Variants in ADD3 observed in about 807,000 individuals in gnomAD.
The protein encoded by ADD3 is adducin 3.
In ADD3, 25 loss-of-function variants were observed where a neutral mutation model predicts 80.2. The ratio of observed to expected loss-of-function variants is 0.31; its 90% confidence interval spans 0.23 to 0.44. ADD3 has a LOEUF of 0.44. ADD3 is among the 20% of genes least tolerant of loss of function. The pLI is 1.00. For synonymous variants in ADD3, 284 were observed against 289.6 expected, an observed-to-expected ratio of 0.98 and a Z score of 0.20; for missense variants, 829 against 847.5, an observed-to-expected ratio of 0.98 and a Z score of 0.27.
At chr10:110,007,514 T>G (rs1851741596), upstream of ADD3, among the ~76,000 whole-genome samples, 1 of 152,100 alleles carries the variant, frequency 6.6e-6, no homozygotes, top group Admixed American at 6.5e-5. Context: ...CGGGAGACAT[T>G]TCCGAGGCGC....
chr10:110,106,589 T>C, intron 2 of ADD3, among the ~76,000 whole-genome samples: 1 of 152,146 alleles, frequency 6.6e-6, no homozygotes, highest in Non-Finnish European at 1.5e-5. Flanking sequence ...GTCCATACTT[T>C]ATGAATTCAA....
At chr10:110,115,751 T>G (rs1850651599) in intron 3 of ADD3, among the ~76,000 whole-genome samples, 1 of 152,210 alleles carries the variant, frequency 6.6e-6, no homozygotes, top group South Asian at 2.1e-4. Flanking sequence ...TTGAACTTGG[T>G]AACAGCTGAA....
chr10:110,121,422 G>A (rs1851479051), intron 8 of ADD3, among the ~76,000 whole-genome samples: 1 of 152,176 alleles, frequency 6.6e-6, no homozygotes, highest in South Asian at 2.1e-4. Flanking sequence ...GGCGAAGTTT[G>A]CAGTGAGCCG....
intron 1 of ADD3, among the ~76,000 whole-genome samples, chr10:110,094,220 G>A (rs183456893): frequency 2.0e-5 from 3 of 152,044 alleles, no homozygotes; most frequent in Non-Finnish European, 2.9e-5. Context: ...GGCGTGATGG[G>A]TCTGTTTTCT....
chr10:110,102,529 C>T (rs1031588964), intron 2 of ADD3, among the ~76,000 whole-genome samples: 4 of 152,112 alleles, frequency 2.6e-5, no homozygotes, highest in African/African-American at 7.2e-5. Context: ...ATTACTTGAG[C>T]CCAGTAGATC....
At chr10:110,028,743 A>T (rs1854614105) in intron 1 of ADD3, among the ~76,000 whole-genome samples, 1 of 152,226 alleles carries the variant, frequency 6.6e-6, no homozygotes, top group Non-Finnish European at 1.5e-5. Flanking sequence ...ATAGAAAGAA[A>T]TGAGTTTTGC....
At chr10:110,098,890 A>C (rs547844288) in intron 1 of ADD3, among the ~76,000 whole-genome samples, 118 of 152,166 alleles carry the variant, frequency 7.8e-4, no homozygotes, top group Non-Finnish European at 9.6e-4. Context: ...GGCCTCCCAA[A>C]GTGCTGCGAT....
At chr10:110,087,175 C>G (rs770967631) in intron 1 of ADD3, among the ~76,000 whole-genome samples, 2 of 151,906 alleles carry the variant, frequency 1.3e-5, no homozygotes, top group Admixed American at 6.6e-5. Context: ...ATTACAGGCG[C>G]CCACCACCAC....
At chr10:110,026,556 A>C (rs1005032653) in intron 1 of ADD3, among the ~76,000 whole-genome samples, 1 of 152,188 alleles carries the variant, frequency 6.6e-6, no homozygotes, top group Admixed American at 6.5e-5. Flanking sequence ...CTGGGATTAC[A>C]GACGTGAGCC....
chr10:110,040,435 T>G (rs10884922), intron 1 of ADD3, among the ~76,000 whole-genome samples: 18,919 of 152,198 alleles, frequency 0.12, 3,758 homozygotes, highest in African/African-American at 0.42. Flanking sequence ...CCAATTAATA[T>G]ATGTACCCAG....
At chr10:110,098,652 T>C (rs1195763775) in intron 1 of ADD3, among the ~76,000 whole-genome samples, 1 of 151,858 alleles carries the variant, frequency 6.6e-6, no homozygotes, top group Admixed American at 6.6e-5. Flanking sequence ...TTTTTTGAGA[T>C]GGAGTCTCAC....
intron 1 of ADD3, among the ~76,000 whole-genome samples, chr10:110,084,080 A>G (rs760786269): frequency 2.0e-5 from 3 of 152,222 alleles, no homozygotes; most frequent in Non-Finnish European, 4.4e-5. Context: ...CAGAAAAACA[A>G]GAGTCCTACT....
At chr10:110,031,241 C>G (rs974972725) in intron 1 of ADD3, among the ~76,000 whole-genome samples, 2 of 152,122 alleles carry the variant, frequency 1.3e-5, no homozygotes, top group Non-Finnish European at 2.9e-5. Flanking sequence ...CCATTGCACT[C>G]CAGCCTGGGC....
Position 110,008,130 on chromosome 10 carries a change from C to T in ADD3, c.-199C>T, listed in dbSNP as rs1336142943. The T allele has an allele frequency of 6.6e-6, 1 of 152,378 alleles. No homozygotes were observed. The highest frequency in any genetic ancestry group is 6.5e-5 in the Admixed American group (1 of 15,282). The allele number at this position is 152,378 out of a possible 1,614,324, so 9.4% of individuals were successfully genotyped here. A position where few individuals can be genotyped will look rare whatever the true frequency, so the allele number is the denominator to read the frequency against. ...TCGCCGCTTCCTGCTGCACAGGGCTCGGCGTACAGGTCCCTCCCTCCTCAA... is the reference window on the plus strand; with the variant it reads ...TCGCCGCTTCCTGCTGCACAGGGCTTGGCGTACAGGTCCCTCCCTCCTCAA... On this transcript the variant is annotated 5_prime_UTR_variant, in exon 1 of 15. Transcript: ENST00000356080.
At chr10:110,116,977 C>G (rs933451394) in intron 4 of ADD3, among the ~76,000 whole-genome samples, 36 of 152,256 alleles carry the variant, frequency 2.4e-4, no homozygotes, top group Admixed American at 1.5e-3. Context: ...AGATTTTGTT[C>G]TCTTTCCTTT....
At chr10:110,075,233 A>G (rs1191279502) in intron 1 of ADD3, among the ~76,000 whole-genome samples, 1 of 152,146 alleles carries the variant, frequency 6.6e-6, no homozygotes, top group Admixed American at 6.6e-5. Flanking sequence ...ACTAAATCTG[A>G]TATCATTGGC....
chr10:110,019,379 G>T (rs138697592), intron 1 of ADD3, among the ~76,000 whole-genome samples: 1,669 of 149,294 alleles, frequency 0.011, 30 homozygotes, highest in African/African-American at 0.036. Context: ...TTTTGAGACG[G>T]AGTCTTGCTC....
chr10:110,122,348 G>T (rs1851611691), intron 9 of ADD3, 56 bp downstream of exon 9: 1 of 1,505,396 alleles, frequency 6.6e-7, no homozygotes, highest in Admixed American at 1.9e-5. Flanking sequence ...TTCAAGAGCA[G>T]ATGCTTCCAT....
chr10:109,999,097 T>C (rs1184604808), intron 1 of ADD3, among the ~76,000 whole-genome samples: 1 of 152,268 alleles, frequency 6.6e-6, no homozygotes. Context: ...AGTGAATTAA[T>C]GGACAGTGAC....
Sources: gnomAD v4.1 joint callset for allele counts (sites outside exome capture counted in the v4.1 genomes callset) on GRCh38, gnomAD v4.1.1 for gene constraint, MANE v1.5 for transcripts, NCBI Gene and HGNC (gene_info 2026-07-23, HGNC 2026-07-21) for gene names.